COMMD10: variants seen among roughly 807,000 people sequenced by gnomAD.
COMMD10 encodes the protein COMM domain containing 10, also known as COMM domain-containing protein 10.
COMMD10 carries 33 observed loss-of-function variants against 28.9 expected under a neutral mutation model. The observed-to-expected ratio is 1.14, with a 90% CI of 0.87 to 1.53. The LOEUF (loss-of-function observed/expected upper bound fraction) is 1.53. COMMD10 is among the 40% of genes most tolerant of loss of function. The pLI is 0.00. For missense variants in COMMD10, 310 were observed against 233.4 expected, an observed-to-expected ratio of 1.33 and a Z score of -2.14; for synonymous variants, 110 against 81.7, an observed-to-expected ratio of 1.35 and a Z score of -1.87.
chr5:116,130,608 G>C (rs1751833202), intron 4 of COMMD10, among the ~76,000 whole-genome samples: 1 of 151,876 alleles, frequency 6.6e-6, no homozygotes, highest in African/African-American at 2.4e-5. Context: ...ATGTGTATGC[G>C]TTTTTCTGAG....
intron 5 of COMMD10, among the ~76,000 whole-genome samples, chr5:116,164,302 C>T (rs1274975286): frequency 6.6e-6 from 1 of 150,894 alleles, no homozygotes. Flanking sequence ...GCCTGGGCAA[C>T]ACAGTGAAAC....
intron 4 of COMMD10, among the ~76,000 whole-genome samples, chr5:116,116,783 A>G (rs1006234655): frequency 2.0e-5 from 3 of 150,214 alleles, no homozygotes; most frequent in African/African-American, 7.4e-5. Flanking sequence ...CAGTGGCGCA[A>G]TCTCGGCTCA....
Position 116,292,563 on chromosome 5 carries a change from T to C in COMMD10, c.*74T>C. On this transcript the variant is annotated 3_prime_UTR_variant, in exon 7 of 7. Coordinates refer to ENST00000274458, the MANE Select transcript of COMMD10 (RefSeq NM_016144.4). The stretch of plus-strand genomic sequence containing the variant: ...TTGCATTGAAGATACATTGCCAGGT[T>C]GTGTTTTCTGAAGGATTCAGTGACT... The C allele has an allele frequency of 7.7e-7, 1 of 1,299,606 alleles. No individual in the cohort carries two copies. Among genetic ancestry groups the C allele is most frequent in the Admixed American group, 2.1e-5 (1 of 46,682 alleles). 80.5% of individuals were successfully genotyped at this position (1,299,606 alleles called of 1,614,324 possible). A position where few individuals can be genotyped will look rare whatever the true frequency, so the allele number is the denominator to read the frequency against.
intron 5 of COMMD10, among the ~76,000 whole-genome samples, chr5:116,188,910 G>A (rs898729402): frequency 2.0e-5 from 3 of 152,176 alleles, no homozygotes; most frequent in African/African-American, 4.8e-5. Flanking sequence ...GATTATAGGC[G>A]TAAGCCACTG....
In COMMD10 at chr5:116,133,934, A is replaced by G. The variant is rs372769298; in HGVS notation, c.400-134A>G. 3.4e-5 allele frequency: 20 copies of G among 587,758 alleles called. No homozygotes were observed. The East Asian group carries it at 5.5e-4, about 16-fold the overall frequency. The allele number at this position is 587,758 out of a possible 1,614,324, so 36.4% of individuals were successfully genotyped here. A position where few individuals can be genotyped will look rare whatever the true frequency, so the allele number is the denominator to read the frequency against. ...GAGAATTCGCAGAGTATGCAGGTTA[A>G]AAGAGCCCTGGAACTGACTTTCTGT... is the stretch of plus-strand genomic sequence containing the variant. On this transcript the variant is annotated intron_variant, in intron 4 of 6. Transcript: ENST00000274458.
intron 5 of COMMD10, among the ~76,000 whole-genome samples, chr5:116,259,839 G>T (rs1450989926): frequency 6.6e-6 from 1 of 151,594 alleles, no homozygotes; most frequent in East Asian, 1.9e-4. Flanking sequence ...TTGCATTTGG[G>T]AGAATGTACT....
chr5:116,219,185 G>C (rs1339741435), intron 5 of COMMD10, among the ~76,000 whole-genome samples: 2 of 152,118 alleles, frequency 1.3e-5, no homozygotes. Context: ...TCTGGAGGCT[G>C]TTGTTGAAAA....
At chr5:116,280,635 A>G (rs367953893) in intron 5 of COMMD10, among the ~76,000 whole-genome samples, 1 of 151,822 alleles carries the variant, frequency 6.6e-6, no homozygotes, top group Non-Finnish European at 1.5e-5. Flanking sequence ...ATGACTGAAT[A>G]TAGTGGATGA....
intron 5 of COMMD10, among the ~76,000 whole-genome samples, chr5:116,226,407 T>C (rs1749394459): frequency 7.4e-6 from 1 of 134,542 alleles, no homozygotes. Flanking sequence ...GTTTGCACTT[T>C]GTACTTCCCT....
Position 116,234,250 on chromosome 5 carries a change from A to G in COMMD10, c.511-57267A>G, listed in dbSNP as rs146219143. Among the ~76,000 whole-genome samples, 34 of 152,314 alleles carry G rather than the reference A, an allele frequency of 2.2e-4. 1 individual carries two copies. In the East Asian group the frequency reaches 6.2e-3, roughly 28 times the overall value. ...CAATGAAATTCCTCATAGAAATACT[A>G]TCAAGGAAAGACAGAGAAAGCCATT... On this transcript the variant is annotated intron_variant, in intron 5 of 6. Transcript: ENST00000274458.
chr5:116,241,360 A>T (rs1190020603), intron 5 of COMMD10, among the ~76,000 whole-genome samples: 1 of 152,164 alleles, frequency 6.6e-6, no homozygotes, highest in Admixed American at 6.5e-5. Context: ...GAACTTTTTT[A>T]AAGTAAATGG....
intron 4 of COMMD10, among the ~76,000 whole-genome samples, chr5:116,113,224 CTCT>C (rs1247398049): frequency 2.6e-5 from 4 of 151,974 alleles, no homozygotes; most frequent in Non-Finnish European, 5.9e-5. Context: ...TGACACTTTT[CTCT>C]TGATTGTAGA....
intron 5 of COMMD10, among the ~76,000 whole-genome samples, chr5:116,147,364 A>G (rs1008122043): frequency 2.0e-5 from 3 of 151,922 alleles, no homozygotes; most frequent in South Asian, 2.1e-4. Context: ...TGCTACCAGC[A>G]CAAAGAAGAG....
At chr5:116,247,604 A>G (rs1436676914) in intron 5 of COMMD10, among the ~76,000 whole-genome samples, 2 of 152,158 alleles carry the variant, frequency 1.3e-5, no homozygotes, top group Admixed American at 1.3e-4. Flanking sequence ...AATGTGGTAC[A>G]TACACACCAT....
At chr5:116,288,864 T>TTC (rs1212693207) in intron 5 of COMMD10, among the ~76,000 whole-genome samples, 26 of 146,220 alleles carry the variant, frequency 1.8e-4, no homozygotes, top group African/African-American at 4.9e-4. Context: ...ATTGTTGGTG[T>TTC]TCTCTCTCTT....
Position 116,251,291 on chromosome 5 carries a change from TTTATTTA to T in COMMD10, c.511-40223_511-40217del, listed in dbSNP as rs1294407253. 1.9e-3 allele frequency among the ~76,000 whole-genome samples: 253 copies of T among 134,760 alleles called. 1 individual carries two copies. Among genetic ancestry groups the T allele is most frequent in the African/African-American group, 6.0e-3 (238 of 39,816 alleles). 88.4% of individuals were successfully genotyped at this position (134,760 alleles called of 152,430 possible). A position where few individuals can be genotyped will look rare whatever the true frequency, so the allele number is the denominator to read the frequency against. On this transcript the variant is annotated intron_variant, in intron 5 of 6. Coordinates refer to ENST00000274458, the MANE Select transcript of COMMD10 (RefSeq NM_016144.4). ...TTTTATTTATTTATTTATTTATTTA[TTTATTTA>T]TTTATTATTATACTTTAAGTTTTAG...
At chr5:116,245,356 G>A (rs1049793926) in intron 5 of COMMD10, among the ~76,000 whole-genome samples, 2 of 151,954 alleles carry the variant, frequency 1.3e-5, no homozygotes, top group Non-Finnish European at 2.9e-5. Context: ...GTAATAAATA[G>A]CTTACCAACC....
chr5:116,172,888 A>G (rs893401083), intron 5 of COMMD10, among the ~76,000 whole-genome samples: 16 of 152,148 alleles, frequency 1.1e-4, no homozygotes, highest in Non-Finnish European at 2.1e-4. Flanking sequence ...AATTTGACTA[A>G]TACAAGAATT....
intron 5 of COMMD10, among the ~76,000 whole-genome samples, chr5:116,250,234 A>G (rs988113940): frequency 6.6e-6 from 1 of 151,926 alleles, no homozygotes; most frequent in Non-Finnish European, 1.5e-5. Flanking sequence ...CCTGAAACAG[A>G]AACTGAATAT....
Sources: allele counts gnomAD v4.1 joint callset (sites outside exome capture counted in the v4.1 genomes callset), GRCh38; gene constraint gnomAD v4.1.1; transcripts MANE v1.5; gene names NCBI Gene and HGNC (gene_info 2026-07-23, HGNC 2026-07-21).